Variants in ANKRD12 observed in about 807,000 individuals in gnomAD.
The protein encoded by ANKRD12 is ankyrin repeat domain 12.
ANKRD12 carries 85 observed loss-of-function variants against 183.4 expected under a neutral mutation model. That is an observed-to-expected ratio of 0.46 (90% CI 0.39 to 0.56). ANKRD12 has a LOEUF of 0.56. Among genes scored for constraint, ANKRD12 ranks in the 20% least tolerant of loss-of-function variants. The probability of loss-of-function intolerance (pLI) is 0.00; values close to 1 mark genes in which losing one functional copy is unlikely to be tolerated. For missense variants in ANKRD12, 2,405 were observed against 2,357.1 expected (o/e 1.02, Z -0.42); for synonymous variants, 914 against 800.2 (o/e 1.14, Z -2.40).
intron 10 of ANKRD12, among the ~76,000 whole-genome samples, chr18:9,275,316 A>G (rs140349728): frequency 6.6e-6 from 1 of 151,486 alleles, no homozygotes; most frequent in Non-Finnish European, 1.5e-5. Flanking sequence ...ATATATATAT[A>G]TTTTTAATTA....
intron 1 of ANKRD12, among the ~76,000 whole-genome samples, chr18:9,146,401 G>C (rs1568217221): frequency 6.6e-6 from 1 of 152,020 alleles, no homozygotes; most frequent in Non-Finnish European, 1.5e-5. Flanking sequence ...AAAGAGTTTT[G>C]GCTGGGCACA....
chr18:9,258,008 A>T lies in ANKRD12; in HGVS notation c.4741A>T (p.Thr1581Ser), dbSNP rs763880205. Residue 1581 changes from threonine to serine, a missense_variant, in exon 9 of 13, where the codon ACT becomes TCT. By Grantham distance (58) the Thr-to-Ser change is moderately conservative. Transcript: ENST00000262126. Reference sequence around the variant, plus strand: ...ATCACCAAACTTTGAGAAAGCTTATACTTTACCTGTGTTACCATCAGAAAA... The same window carrying T: ...ATCACCAAACTTTGAGAAAGCTTATTCTTTACCTGTGTTACCATCAGAAAA... Reference protein sequence around the residue: ...EASPNFEKAYTLPVLPSEKDF... With the variant: ...EASPNFEKAYSLPVLPSEKDF... 1.2e-5 allele frequency: 19 copies of T among 1,613,666 alleles called. No homozygotes were observed. Among genetic ancestry groups the T allele is most frequent in the Non-Finnish European group, 1.4e-5 (17 of 1,179,954 alleles).
chr18:9,226,029 A>G (rs967438685), intron 8 of ANKRD12, among the ~76,000 whole-genome samples: 5 of 152,146 alleles, frequency 3.3e-5, no homozygotes, highest in Non-Finnish European at 5.9e-5. Context: ...TTTTTTTGCA[A>G]TATTCATGGT....
At chr18:9,239,643 G>C (rs760911251) in intron 8 of ANKRD12, 170 of 535,900 alleles carry the variant, frequency 3.2e-4, no homozygotes, top group Non-Finnish European at 4.6e-4. Flanking sequence ...TGAGGTCCTT[G>C]TTAGATTTAA....
chr18:9,280,042 A>G (rs2040036800), intron 12 of ANKRD12, among the ~76,000 whole-genome samples: 1 of 152,156 alleles, frequency 6.6e-6, no homozygotes, highest in South Asian at 2.1e-4. Flanking sequence ...TCTTTTGATA[A>G]TTTGAAATCT....
chr18:9,244,134 CAAA>C (rs541049879), intron 8 of ANKRD12, among the ~76,000 whole-genome samples: 1 of 152,068 alleles, frequency 6.6e-6, no homozygotes, highest in South Asian at 2.1e-4. Flanking sequence ...AATTCCGTCT[CAAA>C]AAAATGAATG....
At chr18:9,215,866 A>G (rs1276449596) in intron 6 of ANKRD12, among the ~76,000 whole-genome samples, 1 of 152,124 alleles carries the variant, frequency 6.6e-6, no homozygotes, top group African/African-American at 2.4e-5. Context: ...TTGAGGAGCT[A>G]GTAGATACCA....
chr18:9,174,679 G>C (rs2033085132), intron 1 of ANKRD12, among the ~76,000 whole-genome samples: 1 of 152,306 alleles, frequency 6.6e-6, no homozygotes, highest in East Asian at 1.9e-4. Context: ...TGTGGGTCAT[G>C]CCATCCTCCT....
At chr18:9,149,450 C>T (rs1300560818) in intron 1 of ANKRD12, among the ~76,000 whole-genome samples, 1 of 152,008 alleles carries the variant, frequency 6.6e-6, no homozygotes, top group East Asian at 1.9e-4. Context: ...TTAAGGAAAG[C>T]GATGGTTGGG....
At chr18:9,242,235 T>G (rs1438610615) in intron 8 of ANKRD12, among the ~76,000 whole-genome samples, 2 of 152,164 alleles carry the variant, frequency 1.3e-5, no homozygotes, top group Non-Finnish European at 1.5e-5. Context: ...AATGTAGTTA[T>G]TTATTGCAAA....
At chr18:9,137,435 A>C (rs2078149023) in intron 1 of ANKRD12, 1 of 145,250 alleles carries the variant, frequency 6.9e-6, no homozygotes, top group Non-Finnish European at 1.5e-5. Context: ...TGCGAGTGTG[A>C]GTGTGCGCGG....
At chr18:9,204,385 C>T in intron 3 of ANKRD12, 91 bp from the exon 4 acceptor site, 1 of 855,610 alleles carries the variant, frequency 1.2e-6, no homozygotes, top group Non-Finnish European at 1.9e-6. Flanking sequence ...AGCTTATTAA[C>T]TGGTGGTCTT....
intron 8 of ANKRD12, among the ~76,000 whole-genome samples, chr18:9,227,700 C>G (rs1033399213): frequency 1.3e-5 from 2 of 152,070 alleles, no homozygotes; most frequent in Non-Finnish European, 2.9e-5. Flanking sequence ...TAATCATTTG[C>G]ATATTTATGA....
At position 9,255,811 on chromosome 18, in the gene ANKRD12, A is replaced by G. The variant is rs372843186; in HGVS notation, c.2544A>G (p.Lys848=). ...RKTFEKEKKI[K]HEHKSEKDKL... ...CCTTTGAAAAAGAAAAGAAGATAAA[A>G]CATGAGCATAAGTCAGAAAAAGACA... The change falls in exon 9 of 13, where the codon AAA becomes AAG. Residue 848 remains lysine, a synonymous_variant. Coordinates refer to ENST00000262126, the MANE Select transcript of ANKRD12 (RefSeq NM_015208.5). 7.5e-5 allele frequency: 118 copies of G among 1,575,038 alleles called. No individual in the cohort carries two copies. Among genetic ancestry groups the G allele is most frequent in the Non-Finnish European group, 4.3e-6 (5 of 1,169,562 alleles).
chr18:9,183,532 G>C (rs2033845187), intron 2 of ANKRD12, among the ~76,000 whole-genome samples: 1 of 151,990 alleles, frequency 6.6e-6, no homozygotes, highest in Admixed American at 6.6e-5. Context: ...GCTCTTTATT[G>C]CTAGTACAGA....
Position 9,204,492 on chromosome 18 carries a change from T to C in ANKRD12, c.252T>C (p.His84=), listed in dbSNP as rs750742251. The change falls in exon 4 of 13, where the codon CAT becomes CAC. Residue 84 remains histidine, a synonymous_variant. Transcript: ENST00000262126. ...ATTCTGTAGATTCAGATCCAGGACA[T>C]ACAAGTGAAAATTGGGGGGAGAGAC... The part of the protein sequence containing the change: ...RDSDTDSDPG[H]TSENWGERLI... 4.4e-6 allele frequency: 7 copies of C among 1,602,612 alleles called. No homozygotes were observed. In the Admixed American group the frequency reaches 1.2e-4, roughly 27 times the overall value.
chr18:9,174,925 A>G (rs907306013), intron 1 of ANKRD12, among the ~76,000 whole-genome samples: 2 of 121,134 alleles, frequency 1.7e-5, no homozygotes, highest in African/African-American at 6.0e-5. Context: ...CAAACAGACC[A>G]AAGCATTTAT....
intron 1 of ANKRD12, among the ~76,000 whole-genome samples, chr18:9,180,699 ATTT>A (rs1320994200): frequency 2.0e-5 from 3 of 152,180 alleles, no homozygotes; most frequent in African/African-American, 7.2e-5. Flanking sequence ...TTGAAGGAAT[ATTT>A]TTGGAATCCA....
At chr18:9,156,856 G>C (rs1407179465) in intron 1 of ANKRD12, among the ~76,000 whole-genome samples, 1 of 152,206 alleles carries the variant, frequency 6.6e-6, no homozygotes, top group African/African-American at 2.4e-5. Context: ...TTTGAAGTCA[G>C]TATGCTAAGT....
Sources: gnomAD v4.1 joint callset for allele counts (sites outside exome capture counted in the v4.1 genomes callset) on GRCh38, gnomAD v4.1.1 for gene constraint, MANE v1.5 for transcripts, NCBI Gene and HGNC (gene_info 2026-07-23, HGNC 2026-07-21) for gene names.